Variants in ELFN2 observed in about 807,000 individuals in gnomAD.
The protein encoded by ELFN2 is protein phosphatase 1 regulatory subunit 29.
In ELFN2, 17 loss-of-function variants were observed where a neutral mutation model predicts 45.5. The ratio of observed to expected loss-of-function variants is 0.37; its 90% CI spans 0.26 to 0.56. ELFN2 has a LOEUF of 0.56. Among genes scored for constraint, ELFN2 ranks in the 20% least tolerant of loss-of-function variants. ELFN2 has a pLI of 0.77. For synonymous variants in ELFN2, 550 were observed against 551.5 expected (o/e 1.00, Z 0.04); for missense variants, 922 against 1,183.2 (o/e 0.78, Z 3.24).
intron 1 of ELFN2, among the ~76,000 whole-genome samples, chr22:37,359,552 T>C (rs1160739410): frequency 6.6e-6 from 1 of 152,242 alleles, no homozygotes; most frequent in Non-Finnish European, 1.5e-5. Context: ...GGCCCCTACC[T>C]GGGCCAGGCC....
intron 2 of ELFN2, among the ~76,000 whole-genome samples, chr22:37,380,484 G>A (rs1003527398): frequency 6.6e-6 from 1 of 152,158 alleles, no homozygotes; most frequent in Non-Finnish European, 1.5e-5. Flanking sequence ...CCACACTCTT[G>A]CAGGGACACC....
chr22:37,423,242 T>G (rs1303251546), intron 1 of ELFN2, among the ~76,000 whole-genome samples: 1 of 152,070 alleles, frequency 6.6e-6, no homozygotes, highest in Non-Finnish European at 1.5e-5. Flanking sequence ...GATGGGGGGT[T>G]GAGATGCAGG....
chr22:37,366,787 A>T (rs1345594096), downstream of ELFN2, among the ~76,000 whole-genome samples: 1 of 152,226 alleles, frequency 6.6e-6, no homozygotes, highest in East Asian at 1.9e-4. Flanking sequence ...AGAGCAAAGG[A>T]GGGACCCTGG....
intron 1 of ELFN2, among the ~76,000 whole-genome samples, chr22:37,359,490 C>T (rs150665283): frequency 0.013 from 1,905 of 152,356 alleles, 21 homozygotes; most frequent in Middle Eastern, 0.024. Flanking sequence ...GCTTCCATTG[C>T]TGTATCTGCA....
downstream of ELFN2, among the ~76,000 whole-genome samples, chr22:37,365,703 A>C (rs61011905): frequency 0.088 from 13,424 of 152,234 alleles, 701 homozygotes; most frequent in South Asian, 0.18. Flanking sequence ...TGCAGCACCC[A>C]GGTCCTTGTC....
At chr22:37,358,206 C>G (rs57181655) in intron 1 of ELFN2, among the ~76,000 whole-genome samples, 7 of 152,048 alleles carry the variant, frequency 4.6e-5, no homozygotes, top group Non-Finnish European at 1.0e-4. Context: ...ACGGCTGCAT[C>G]GGCCCTAGAA....
rs554114712 is a variant in ELFN2, at chr22:37,357,458, A to G, written n.149-14755T>C. The stretch of plus-strand genomic sequence containing the variant: ...CTTCGCCATTTTTATGGCTTCATCT[A>G]AGAATTCTCTTTTCCTACTCTCCTT... On this transcript the variant is annotated intron_variant and non_coding_transcript_variant, in intron 1 of 2. Coordinates refer to ENST00000452946, the Ensembl canonical transcript of ELFN2. Among the ~76,000 whole-genome samples, 19 of 152,234 alleles carry G rather than the reference A, an allele frequency of 1.2e-4. No homozygotes were observed. The East Asian group carries it at 3.5e-3, about 28-fold the overall frequency.
intron 2 of ELFN2, among the ~76,000 whole-genome samples, chr22:37,393,607 A>G (rs1377374622): frequency 6.6e-6 from 1 of 152,172 alleles, no homozygotes; most frequent in African/African-American, 2.4e-5. Context: ...GCTAAGTCCC[A>G]TATGGTCCCA....
chr22:37,391,352 A>G (rs1338686938), intron 2 of ELFN2, among the ~76,000 whole-genome samples: 1 of 152,156 alleles, frequency 6.6e-6, no homozygotes, highest in Non-Finnish European at 1.5e-5. Context: ...GCACCGTCCC[A>G]GTAGGCTCTC....
At chr22:37,399,460 A>G (rs1300898832) in intron 2 of ELFN2, among the ~76,000 whole-genome samples, 1 of 151,590 alleles carries the variant, frequency 6.6e-6, no homozygotes, top group African/African-American at 2.4e-5. Flanking sequence ...AAGCAAGTTG[A>G]TCAGACCACG....
chr22:37,424,689 G>A (rs906058587), intron 1 of ELFN2, among the ~76,000 whole-genome samples: 17 of 151,808 alleles, frequency 1.1e-4, no homozygotes, highest in Non-Finnish European at 2.5e-4. Flanking sequence ...GCGGGGGGGG[G>A]GATGGAATTC....
chr22:37,426,675 C>G (rs537389427), intron 1 of ELFN2, among the ~76,000 whole-genome samples: 1 of 150,766 alleles, frequency 6.6e-6, no homozygotes, highest in Admixed American at 6.6e-5. Context: ...ACACACCCGG[C>G]AGTGGCCCCG....
rs115230051 is a variant in ELFN2 at position 37,398,963 on chromosome 22, C to T, written c.-463+18806G>A. 3.8e-3 allele frequency among the ~76,000 whole-genome samples: 576 copies of T among 152,164 alleles called. 5 individuals are homozygous for T. The highest frequency in any genetic ancestry group is 0.013 in the African/African-American group (548 of 41,510). On this transcript the variant is annotated intron_variant, in intron 2 of 2. Transcript: ENST00000402918. ...CCCCTACCAGCTCCTTCCTGGAACA[C>T]AGCATCCACCTGGCCTGTTCCCAAA...
chr22:37,369,219 G>A lies in ELFN2; in HGVS notation c.*3853C>T, dbSNP rs1484231962. On this transcript the variant is annotated 3_prime_UTR_variant, in exon 3 of 3. Transcript: ENST00000402918. ...CACCCCGCTGTTACATTTCCAGGAG[G>A]GAGTGGGGCAGGCGACCAACTTCCA... The A allele has an allele frequency of 1.3e-5, 2 of 152,130 alleles. No individual in the cohort carries two copies. Among genetic ancestry groups the A allele is most frequent in the Non-Finnish European group, 2.9e-5 (2 of 68,074 alleles). 9.4% of individuals were successfully genotyped at this position (152,130 alleles called of 1,614,324 possible). A position where few individuals can be genotyped will look rare whatever the true frequency, so the allele number is the denominator to read the frequency against.
In ELFN2 at chr22:37,374,239, G is replaced by C; in HGVS notation, c.1296C>G (p.Val432=). Residue 432 remains valine (V), a synonymous_variant, in exon 3 of 3, where the codon GTC becomes GTG. Transcript: ENST00000402918. ...RRMQEEKQKS[V]NVKKTILEMR... ...TCTCCAGGATGGTCTTCTTGACGTT[G>C]ACAGACTTCTGCTTCTCCTCCTGCA... The C allele has an allele frequency of 6.2e-7, 1 of 1,613,960 alleles. No homozygotes were observed.
intron 2 of ELFN2, among the ~76,000 whole-genome samples, chr22:37,404,321 A>G (rs553994671): frequency 4.1e-4 from 62 of 152,246 alleles, no homozygotes; most frequent in Non-Finnish European, 7.8e-4. Context: ...GACTTGGTGC[A>G]GGCAAGGACA....
At chr22:37,350,604 T>G (rs1555917312) in intron 1 of ELFN2, among the ~76,000 whole-genome samples, 1 of 150,392 alleles carries the variant, frequency 6.6e-6, no homozygotes, top group Non-Finnish European at 1.5e-5. Flanking sequence ...CCGGGCCTGG[T>G]CCCCTGGAGG....
chr22:37,376,831 C>G (rs991803098), intron 2 of ELFN2, among the ~76,000 whole-genome samples: 6 of 152,178 alleles, frequency 3.9e-5, no homozygotes, highest in Admixed American at 3.9e-4. Context: ...TGGGAGGGGG[C>G]CAGCCTTCTG....
At chr22:37,350,216 T>TTA (rs1209022944) in intron 1 of ELFN2, among the ~76,000 whole-genome samples, 1 of 150,890 alleles carries the variant, frequency 6.6e-6, no homozygotes, top group African/African-American at 2.4e-5. Flanking sequence ...TGGGCCGAGT[T>TTA]TGTCTACAGT....
Sources: gnomAD v4.1 joint callset for allele counts (sites outside exome capture counted in the v4.1 genomes callset) on GRCh38, gnomAD v4.1.1 for gene constraint, MANE v1.5 for transcripts, NCBI Gene and HGNC (gene_info 2026-07-23, HGNC 2026-07-21) for gene names.